Variants in ANKS3 observed in about 807,000 individuals in gnomAD.
The protein encoded by ANKS3 is ankyrin repeat and SAM domain-containing protein 3.
In ANKS3, 62 loss-of-function variants were observed where a neutral mutation model predicts 80.7. The ratio of observed to expected loss-of-function variants is 0.77; its 90% confidence interval spans 0.63 to 0.95. The LOEUF is 0.95. Among genes scored for constraint, ANKS3 ranks in the 40% least tolerant of loss-of-function variants. The pLI is 0.00. For synonymous variants in ANKS3, 489 were observed against 355.3 expected (o/e 1.38, Z -4.23); for missense variants, 1,150 against 883.6 (o/e 1.30, Z -3.82).
chr16:4,707,031 A>C (rs1353799524), intron 7 of ANKS3, among the ~76,000 whole-genome samples: 1 of 152,142 alleles, frequency 6.6e-6, no homozygotes, highest in East Asian at 1.9e-4. Context: ...ACCTCCTCAC[A>C]CTCAAAGATC....
intron 6 of ANKS3, among the ~76,000 whole-genome samples, chr16:4,721,018 A>AG (rs771876284): frequency 0.019 from 2,794 of 150,032 alleles, 112 homozygotes; most frequent in Non-Finnish European, 0.03. Flanking sequence ...AAAAAAAAAA[A>AG]AGAGAGGCCA....
chr16:4,733,992 G>T lies in ANKS3; in HGVS notation c.-125C>A. 1 of 985,494 alleles carries T rather than the reference G, an allele frequency of 1.0e-6. No homozygotes were observed. The highest frequency in any genetic ancestry group is 1.2e-6 in the Non-Finnish European group (1 of 829,960). 61.0% of individuals were successfully genotyped at this position (985,494 alleles called of 1,614,324 possible). A position where few individuals can be genotyped will look rare whatever the true frequency, so the allele number is the denominator to read the frequency against. On this transcript the variant is annotated 5_prime_UTR_variant, in exon 1 of 18. An upstream open reading frame in the 5' UTR gains an earlier in-frame stop. Transcript: ENST00000304283. ...CACATCCCCACAGGAACGCTACGGC[G>T]CACAGGGCATTACTGTGCCCCCACC... is the stretch of plus-strand genomic sequence containing the variant.
rs1035855121 is a variant in ANKS3 at position 4,726,691 on chromosome 16, G to C, written c.459C>G (p.Phe153Leu). The change falls in exon 5 of 18, where the codon TTC (phenylalanine) becomes TTG (leucine). Residue 153 changes from phenylalanine to leucine, a missense_variant. By Grantham distance (22) the Phe-to-Leu change is conservative. Coordinates refer to ENST00000304283, the MANE Select transcript of ANKS3 (RefSeq NM_133450.4). ...TGGCATTGGCTCCACTGTCCAAGAG[G>C]AACCTGACCATGTGCTGGTGCCCGG... Reference protein sequence around the residue: ...TSAGHQHMVRFLLDSGANANV... With the variant: ...TSAGHQHMVRLLLDSGANANV... 11 of 1,614,194 alleles carry C rather than the reference G, an allele frequency of 6.8e-6. No individual in the cohort carries two copies. Among genetic ancestry groups the C allele is most frequent in the Non-Finnish European group, 9.3e-6 (11 of 1,180,020 alleles).
rs1480797989 is a variant in ANKS3 at position 4,727,098 on chromosome 16, T to C, written c.250A>G (p.Ile84Val). The C allele has an allele frequency of 6.2e-7, 1 of 1,614,062 alleles. No homozygotes were observed. Among genetic ancestry groups the C allele is most frequent in the African/African-American group, 1.3e-5 (1 of 74,922 alleles). ...MYASYIGHDT[I>V]VHLLLEAGVS... ...CCCGCCTCAAGCAGCAGGTGCACGA[T>C]TGTGTCGTGGCCAATGTAGGAGGCA... Residue 84 changes from isoleucine (I) to valine (V), a missense_variant, in exon 4 of 18, where the codon ATC becomes GTC. Transcript: ENST00000304283.
intron 6 of ANKS3, among the ~76,000 whole-genome samples, chr16:4,721,344 C>T (rs900843211): frequency 6.6e-6 from 1 of 150,570 alleles, no homozygotes; most frequent in Middle Eastern, 3.2e-3. Flanking sequence ...TGCGTTGGCT[C>T]GTGCCTGTAA....
At chr16:4,728,479 G>A (rs996842606) in intron 3 of ANKS3, among the ~76,000 whole-genome samples, 2 of 152,114 alleles carry the variant, frequency 1.3e-5, no homozygotes, top group Admixed American at 6.6e-5. Context: ...CTGGCCAGGG[G>A]GGCTGCATGG....
intron 6 of ANKS3, among the ~76,000 whole-genome samples, chr16:4,721,044 G>C (rs1326956840): frequency 6.7e-6 from 1 of 149,650 alleles, no homozygotes; most frequent in Non-Finnish European, 1.5e-5. Flanking sequence ...GGTGGCTCAC[G>C]CCTGTAATCC....
At chr16:4,725,164 G>C (rs1298182690) in intron 5 of ANKS3, 1 of 198,490 alleles carries the variant, frequency 5.0e-6, no homozygotes, top group African/African-American at 2.3e-5. Flanking sequence ...CAGAAAGCCA[G>C]CATCTCCCAT....
intron 6 of ANKS3, among the ~76,000 whole-genome samples, chr16:4,720,681 C>G (rs865970175): frequency 6.6e-6 from 1 of 151,398 alleles, no homozygotes; most frequent in Admixed American, 6.6e-5. Context: ...TGGCTCATGC[C>G]TGTAATCTCA....
At chr16:4,733,551 CA>C (rs2081778143) in intron 1 of ANKS3, among the ~76,000 whole-genome samples, 1 of 152,068 alleles carries the variant, frequency 6.6e-6, no homozygotes. Context: ...CTTTGCCTCC[CA>C]AAGTGCTAGG....
chr16:4,731,353 C>T (rs1168350235), intron 2 of ANKS3, among the ~76,000 whole-genome samples, 159 bp downstream of exon 2: 2 of 152,206 alleles, frequency 1.3e-5, no homozygotes, highest in African/African-American at 4.8e-5. Context: ...GATTTCAGCT[C>T]ACTGGAACCT....
chr16:4,701,119 A>C lies in ANKS3; in HGVS notation c.1135T>G (p.Cys379Gly). 6.2e-7 allele frequency: 1 copy of C among 1,613,982 alleles called. No homozygotes were observed. The highest frequency in any genetic ancestry group is 8.5e-7 in the Non-Finnish European group (1 of 1,180,038). Reference protein sequence around the residue: ...VESNEDSDHACKSSARKQAKS... With the variant: ...VESNEDSDHAGKSSARKQAKS... ...GCTTGTTTGCGAGCTGAGCTTTTAC[A>C]GGCATGATCCGAGTCCTGCAGTGAG... The change falls in exon 11 of 18, where the codon TGT (cysteine) becomes GGT (glycine). Residue 379 changes from cysteine to glycine, a missense_variant. By Grantham distance (159) the Cys-to-Gly change is radical (BLOSUM62 -3). Transcript: ENST00000304283.
chr16:4,713,022 C>A (rs1049630400), intron 7 of ANKS3, among the ~76,000 whole-genome samples: 2 of 152,158 alleles, frequency 1.3e-5, no homozygotes, highest in Non-Finnish European at 2.9e-5. Flanking sequence ...GTAATCCCAG[C>A]ACTTTGGGAG....
intron 9 of ANKS3, 32 bp from the exon 10 acceptor site, chr16:4,701,575 A>G (rs535173894): frequency 6.3e-7 from 1 of 1,579,302 alleles, no homozygotes; most frequent in South Asian, 1.1e-5. Flanking sequence ...GTCCGCCTGC[A>G]GCCCTCACCG....
At chr16:4,706,488 G>A (rs2080203877) in intron 7 of ANKS3, among the ~76,000 whole-genome samples, 1 of 152,108 alleles carries the variant, frequency 6.6e-6, no homozygotes, top group East Asian at 1.9e-4. Context: ...GCCCACCTTG[G>A]CCTCCCACAA....
At position 4,698,687 on chromosome 16, in the gene ANKS3, C is replaced by T. The variant is rs2079726098; in HGVS notation, c.1552-88G>A. The T allele has an allele frequency of 5.2e-6, 8 of 1,524,008 alleles. No homozygotes were observed. In the South Asian group the frequency reaches 6.3e-5, roughly 12 times the overall value. 94.4% of individuals were successfully genotyped at this position (1,524,008 alleles called of 1,614,324 possible). A position where few individuals can be genotyped will look rare whatever the true frequency, so the allele number is the denominator to read the frequency against. ...ACGGCCCTGTCCTGTGTGTGGGGCC[C>T]TCTCCCCACTGCATCCACCTGACCC... On this transcript the variant is annotated intron_variant, in intron 13 of 17. Transcript: ENST00000304283.
At chr16:4,699,226 C>G (rs749043933) in intron 11 of ANKS3, 50 bp from the exon 12 acceptor site, 2 of 1,600,724 alleles carry the variant, frequency 1.2e-6, no homozygotes. Context: ...GACGACGAAG[C>G]AGAGACGTTT....
intron 8 of ANKS3, among the ~76,000 whole-genome samples, chr16:4,704,367 T>G (rs2080076135): frequency 6.6e-6 from 1 of 152,136 alleles, no homozygotes; most frequent in Admixed American, 6.5e-5. Flanking sequence ...CCACCAGGCC[T>G]GTGAGACCAG....
chr16:4,699,239 C>A, intron 11 of ANKS3, 63 bp from the exon 12 acceptor site: 1 of 1,576,906 alleles, frequency 6.3e-7, no homozygotes. Flanking sequence ...AGACGTTTTC[C>A]TCCACTCGGA....
Sources: allele counts gnomAD v4.1 joint callset (sites outside exome capture counted in the v4.1 genomes callset), GRCh38; gene constraint gnomAD v4.1.1; transcripts MANE v1.5; gene names NCBI Gene and HGNC (gene_info 2026-07-23, HGNC 2026-07-21).